Variants in SDK1 observed in about 807,000 individuals in gnomAD.
SDK1 encodes protein sidekick-1.
A neutral mutation model predicts 245.5 loss-of-function variants in SDK1; 157 were observed. The observed-to-expected ratio is 0.64, with a 90% CI of 0.56 to 0.73. SDK1 has a LOEUF of 0.73. SDK1 is among the 30% of genes least tolerant of loss of function. SDK1 has a pLI of 0.00. For synonymous variants in SDK1, 1,647 were observed against 1,278.5 expected (o/e 1.29, Z -6.15); for missense variants, 3,583 against 3,002.3 (o/e 1.19, Z -4.52).
chr7:3,852,807 A>G (rs1287301209), intron 5 of SDK1, among the ~76,000 whole-genome samples: 1 of 151,802 alleles, frequency 6.6e-6, no homozygotes, highest in African/African-American at 2.4e-5. Flanking sequence ...TTTTAAAAAC[A>G]TGCCATTTCA....
intron 1 of SDK1, among the ~76,000 whole-genome samples, chr7:3,435,832 T>G (rs1780005498): frequency 6.6e-6 from 1 of 152,202 alleles, no homozygotes; most frequent in East Asian, 1.9e-4. Context: ...GGATTTACAA[T>G]GATTACTTAC....
At chr7:4,014,396 G>A (rs1007510554) in intron 16 of SDK1, among the ~76,000 whole-genome samples, 1 of 152,206 alleles carries the variant, frequency 6.6e-6, no homozygotes, top group African/African-American at 2.4e-5. Flanking sequence ...AAAGCTCCAA[G>A]ATGAGGGTGC....
At chr7:3,430,484 C>T (rs1389037714) in intron 1 of SDK1, among the ~76,000 whole-genome samples, 14 of 152,168 alleles carry the variant, frequency 9.2e-5, no homozygotes, top group Non-Finnish European at 1.3e-4. Context: ...ACTTTTACCT[C>T]TGTGACCTAG....
At chr7:3,741,780 G>C (rs1583362588) in intron 4 of SDK1, among the ~76,000 whole-genome samples, 3 of 152,090 alleles carry the variant, frequency 2.0e-5, no homozygotes, top group Non-Finnish European at 4.4e-5. Flanking sequence ...CAAAGAACAA[G>C]TAGTAAATGA....
intron 4 of SDK1, among the ~76,000 whole-genome samples, chr7:3,696,351 C>A (rs529120195): frequency 2.0e-5 from 3 of 152,062 alleles, no homozygotes; most frequent in Admixed American, 2.0e-4. Flanking sequence ...TTTGCTGTGC[C>A]CTGACGTCCA....
At chr7:3,559,382 C>G (rs997923281) in intron 1 of SDK1, among the ~76,000 whole-genome samples, 5 of 152,042 alleles carry the variant, frequency 3.3e-5, no homozygotes, top group Non-Finnish European at 4.4e-5. Context: ...CCTTTGTGGA[C>G]TCTGCTTGGA....
rs115096815 is a variant in SDK1, at chr7:3,335,257, C to G, written c.298+33373C>G. Among the ~76,000 whole-genome samples, 1,097 of 152,234 alleles carry G rather than the reference C, an allele frequency of 7.2e-3. 14 individuals are homozygous for G. The highest frequency in any genetic ancestry group is 0.025 in the African/African-American group (1,058 of 41,538). On this transcript the variant is annotated intron_variant, in intron 1 of 44. Transcript: ENST00000404826. ...TACAATTTAAAATCCTTGCTGTGGC[C>G]TACAAGGTTCTGTGTGGATGGTCCC...
At chr7:3,684,730 G>A (rs1312757794) in intron 4 of SDK1, among the ~76,000 whole-genome samples, 3 of 149,250 alleles carry the variant, frequency 2.0e-5, no homozygotes, top group Non-Finnish European at 4.4e-5. Context: ...AAAGTGCTTC[G>A]GTAAGTAATT....
chr7:3,416,950 A>T (rs913422100), intron 1 of SDK1, among the ~76,000 whole-genome samples: 2 of 152,202 alleles, frequency 1.3e-5, no homozygotes, highest in African/African-American at 4.8e-5. Context: ...AGGTGGATGG[A>T]TCACCTGAGG....
At chr7:3,888,013 A>G (rs1781377131) in intron 5 of SDK1, among the ~76,000 whole-genome samples, 1 of 152,214 alleles carries the variant, frequency 6.6e-6, no homozygotes, top group African/African-American at 2.4e-5. Context: ...TTAACAATAA[A>G]GGTGCTTTTC....
chr7:3,467,749 AT>A (rs935755195), intron 1 of SDK1, among the ~76,000 whole-genome samples: 1 of 152,084 alleles, frequency 6.6e-6, no homozygotes, highest in African/African-American at 2.4e-5. Context: ...GGTAAACTTA[AT>A]TTTTTTAGTA....
chr7:3,886,992 C>G (rs1781353461), intron 5 of SDK1, among the ~76,000 whole-genome samples: 1 of 152,192 alleles, frequency 6.6e-6, no homozygotes. Flanking sequence ...TGAAGAGAAA[C>G]CAATGAGGCT....
rs77858341 is a variant in SDK1, at chr7:3,791,461, A to T, written c.714-29989A>T. Among the ~76,000 whole-genome samples the T allele has an allele frequency of 2.5e-3, 388 of 152,302 alleles. 2 individuals are homozygous for T. Among genetic ancestry groups the T allele is most frequent in the African/African-American group, 8.4e-3 (350 of 41,576 alleles). On this transcript the variant is annotated intron_variant, in intron 4 of 44. Transcript: ENST00000404826. Reference sequence around the variant, plus strand: ...TGACTTCGTGGCAGATGGTCATTCTAAGGTTCCCTCAGGGTCATCAGTCAT... The same window carrying T: ...TGACTTCGTGGCAGATGGTCATTCTTAGGTTCCCTCAGGGTCATCAGTCAT...
intron 1 of SDK1, among the ~76,000 whole-genome samples, chr7:3,317,719 T>C (rs1330038543): frequency 6.6e-6 from 1 of 152,226 alleles, no homozygotes; most frequent in Non-Finnish European, 1.5e-5. Context: ...GTTTAGGATA[T>C]GAGCATTGTT....
chr7:3,712,276 T>G (rs1426644352), intron 4 of SDK1, among the ~76,000 whole-genome samples: 3 of 152,144 alleles, frequency 2.0e-5, no homozygotes, highest in Non-Finnish European at 4.4e-5. Context: ...TGAACCTTAT[T>G]GTGAACTGTG....
At position 3,357,328 on chromosome 7, in the gene SDK1, GTTTTTTTTTTTTTTTTTTTT is replaced by G. The variant is rs560124026; in HGVS notation, c.298+55464_298+55483del. On this transcript the variant is annotated intron_variant, in intron 1 of 44. Transcript: ENST00000404826. ...TTACTCTTGCTCCCCTTCTTTTAGT[GTTTTTTTTTTTTTTTTTTTT>G]TTTTTTTTTTTTTTTTTTTGAGGCA... 5.6e-3 allele frequency among the ~76,000 whole-genome samples: 299 copies of G among 52,946 alleles called. 2 individuals are homozygous for G. The highest frequency in any genetic ancestry group is 0.017 in the South Asian group (23 of 1,364). 34.7% of individuals were successfully genotyped at this position (52,946 alleles called of 152,430 possible).
chr7:3,467,299 C>G (rs1781038116), intron 1 of SDK1, among the ~76,000 whole-genome samples: 2 of 151,856 alleles, frequency 1.3e-5, no homozygotes, highest in Non-Finnish European at 2.9e-5. Flanking sequence ...TTAAATGCCA[C>G]TTATGTTTCT....
chr7:3,528,688 G>C (rs1225168490), intron 1 of SDK1, among the ~76,000 whole-genome samples: 3 of 152,036 alleles, frequency 2.0e-5, no homozygotes, highest in South Asian at 2.1e-4. Context: ...GGCAGGGCTT[G>C]GGTTTTATTT....
intron 2 of SDK1, among the ~76,000 whole-genome samples, chr7:3,632,716 T>C (rs897030704): frequency 2.0e-5 from 3 of 152,240 alleles, no homozygotes; most frequent in African/African-American, 7.2e-5. Context: ...ATTACTTCAA[T>C]TGTTTTGAAA....
Sources: gnomAD v4.1 joint callset for allele counts (sites outside exome capture counted in the v4.1 genomes callset) on GRCh38, gnomAD v4.1.1 for gene constraint, MANE v1.5 for transcripts, NCBI Gene and HGNC (gene_info 2026-07-23, HGNC 2026-07-21) for gene names.